Variants in VWC2 observed in about 807,000 individuals in gnomAD.
VWC2 encodes the protein brorin.
In VWC2, 14 loss-of-function variants were observed where a neutral mutation model predicts 29.8. The ratio of observed to expected loss-of-function variants is 0.47; its 90% confidence interval spans 0.31 to 0.74. The LOEUF (loss-of-function observed/expected upper bound fraction) is 0.74. Ranked by LOEUF, VWC2 falls within the 30% of genes least tolerant of loss-of-function variation. VWC2 has a pLI of 0.05. For missense variants in VWC2, 457 were observed against 459.8 expected, an observed-to-expected ratio of 0.99 and a Z score of 0.05; for synonymous variants, 213 against 199.0, an observed-to-expected ratio of 1.07 and a Z score of -0.59.
intron 3 of VWC2, among the ~76,000 whole-genome samples, chr7:49,810,063 A>G (rs973313634): frequency 2.6e-5 from 4 of 151,898 alleles, no homozygotes; most frequent in African/African-American, 9.7e-5. Flanking sequence ...GAAATTAAGA[A>G]GTATAACTGC....
intron 3 of VWC2, among the ~76,000 whole-genome samples, chr7:49,865,704 G>T (rs1478188406): frequency 6.6e-6 from 1 of 152,168 alleles, no homozygotes; most frequent in African/African-American, 2.4e-5. Context: ...ACACCTAAGG[G>T]TGTGCCTTCA....
At chr7:49,871,950 CACACACA>C (rs1212832087) in intron 3 of VWC2, among the ~76,000 whole-genome samples, 32 of 101,154 alleles carry the variant, frequency 3.2e-4, no homozygotes, top group Non-Finnish European at 5.0e-4. Flanking sequence ...CACACACACA[CACACACA>C]CCGAGAAAGA....
intron 3 of VWC2, among the ~76,000 whole-genome samples, chr7:49,886,420 T>C (rs997130648): frequency 1.3e-5 from 2 of 152,220 alleles, no homozygotes; most frequent in African/African-American, 2.4e-5. Context: ...AAAAATGATA[T>C]GATTACTTTT....
intron 2 of VWC2, among the ~76,000 whole-genome samples, chr7:49,793,432 T>G (rs1261974103): frequency 6.6e-6 from 1 of 152,182 alleles, no homozygotes; most frequent in Non-Finnish European, 1.5e-5. Context: ...CAGAAGTAGC[T>G]GGTGCAGTGA....
At chr7:49,813,203 G>A (rs796950326) in intron 3 of VWC2, among the ~76,000 whole-genome samples, 6 of 152,338 alleles carry the variant, frequency 3.9e-5, no homozygotes, top group African/African-American at 1.4e-4. Flanking sequence ...AATGCAGGGA[G>A]AATGAAAGCC....
rs970743733 is a variant in VWC2 at position 49,918,595 on chromosome 7, A to G, written c.*6410A>G. ...ATTCTCATATTGAAATTTACAAAAT[A>G]TAACCAAATATTGTGACCCAGTTTT... On this transcript the variant is annotated 3_prime_UTR_variant, in exon 4 of 4. Transcript: ENST00000340652. The G allele has an allele frequency of 6.6e-6, 1 of 152,256 alleles. No individual in the cohort carries two copies. Among genetic ancestry groups the G allele is most frequent in the African/African-American group, 2.4e-5 (1 of 41,478 alleles). The allele number at this position is 152,256 out of a possible 1,614,324, so 9.4% of individuals were successfully genotyped here.
At chr7:49,891,678 C>G (rs1203684560) in intron 3 of VWC2, among the ~76,000 whole-genome samples, 4 of 152,162 alleles carry the variant, frequency 2.6e-5, no homozygotes, top group African/African-American at 9.7e-5. Context: ...TATACTGATT[C>G]TGATGTAATC....
intron 3 of VWC2, among the ~76,000 whole-genome samples, chr7:49,894,232 C>G (rs755614370): frequency 6.6e-6 from 1 of 152,212 alleles, no homozygotes; most frequent in Non-Finnish European, 1.5e-5. Context: ...TCACAGCTCA[C>G]CTCAGCCTCG....
At chr7:49,879,534 C>T (rs976538011) in intron 3 of VWC2, among the ~76,000 whole-genome samples, 2 of 152,098 alleles carry the variant, frequency 1.3e-5, no homozygotes, top group Non-Finnish European at 2.9e-5. Context: ...AGCGTTAGTC[C>T]ATGGTAGGGC....
chr7:49,775,999 G>T lies in VWC2; in HGVS notation c.564G>T (p.Ala188=), dbSNP rs1387492364. 1.3e-6 allele frequency: 2 copies of T among 1,544,606 alleles called. No homozygotes were observed. The highest frequency in any genetic ancestry group is 1.7e-6 in the Non-Finnish European group (2 of 1,149,126). Residue 188 remains alanine, a synonymous_variant, in exon 2 of 4, where the codon GCG becomes GCT. Coordinates refer to ENST00000340652, the MANE Select transcript of VWC2 (RefSeq NM_198570.5). ...GCACCGAGGAGGGGCCGCTGTGCGCGCAGCCCGAGTGCCCGAGGCTGCACC... is the reference window on the plus strand; with the variant it reads ...GCACCGAGGAGGGGCCGCTGTGCGCTCAGCCCGAGTGCCCGAGGCTGCACC... The part of the protein sequence containing the change: ...CLCTEEGPLC[A]QPECPRLHPR...
chr7:49,793,581 CT>C (rs148149339), intron 2 of VWC2, among the ~76,000 whole-genome samples: 10,797 of 152,044 alleles, frequency 0.071, 1,133 homozygotes, highest in African/African-American at 0.23. Context: ...TCTTTTGCAA[CT>C]TTTTTTTCCT....
intron 3 of VWC2, among the ~76,000 whole-genome samples, chr7:49,838,476 G>C (rs995574242): frequency 6.6e-6 from 1 of 152,028 alleles, no homozygotes; most frequent in Non-Finnish European, 1.5e-5. Context: ...TTGGGATCTT[G>C]TCAGTGGAGG....
chr7:49,834,511 C>G (rs930711451), intron 3 of VWC2, among the ~76,000 whole-genome samples: 3 of 152,176 alleles, frequency 2.0e-5, no homozygotes, highest in African/African-American at 2.4e-5. Context: ...GTTAGTCCTA[C>G]TGAGTGTCAG....
chr7:49,785,672 T>G (rs1282789684), intron 2 of VWC2, among the ~76,000 whole-genome samples: 1 of 152,180 alleles, frequency 6.6e-6, no homozygotes, highest in East Asian at 1.9e-4. Flanking sequence ...GTGAGTAGGC[T>G]TACAGCAGAC....
At chr7:49,826,817 C>T (rs1192739831) in intron 3 of VWC2, among the ~76,000 whole-genome samples, 2 of 152,036 alleles carry the variant, frequency 1.3e-5, no homozygotes, top group African/African-American at 2.4e-5. Flanking sequence ...ATAACTAAGT[C>T]GTTTAACAGA....
intron 3 of VWC2, among the ~76,000 whole-genome samples, chr7:49,871,908 AAC>A (rs72332840): frequency 0.11 from 9,265 of 87,662 alleles, 740 homozygotes; most frequent in East Asian, 0.41. Context: ...TGTGTATATA[AAC>A]ACACACACAC....
intron 3 of VWC2, among the ~76,000 whole-genome samples, chr7:49,852,258 G>A (rs1217980542): frequency 1.3e-5 from 2 of 152,202 alleles, no homozygotes; most frequent in Admixed American, 6.5e-5. Flanking sequence ...GAGTGACCCT[G>A]GAGCATCAGG....
chr7:49,847,961 G>C lies in VWC2; in HGVS notation c.826+45121G>C, dbSNP rs561777075. 1.5e-4 allele frequency among the ~76,000 whole-genome samples: 23 copies of C among 152,296 alleles called. No homozygotes were observed. In the East Asian group the frequency reaches 4.1e-3, roughly 27 times the overall value. On this transcript the variant is annotated intron_variant, in intron 3 of 3. Transcript: ENST00000340652. ...CACTGGGAGGGGCAGTCCCTCCAACGTCAGCAAGGCTCAATGTCAAAGCAT... is the reference window on the plus strand; with the variant it reads ...CACTGGGAGGGGCAGTCCCTCCAACCTCAGCAAGGCTCAATGTCAAAGCAT...
intron 2 of VWC2, among the ~76,000 whole-genome samples, chr7:49,794,320 C>A (rs75562696): frequency 6.6e-6 from 1 of 152,166 alleles, no homozygotes; most frequent in Admixed American, 6.5e-5. Flanking sequence ...TGAGATGGAA[C>A]GTTCTTTTAT....
Sources: allele counts gnomAD v4.1 joint callset (sites outside exome capture counted in the v4.1 genomes callset), GRCh38; gene constraint gnomAD v4.1.1; transcripts MANE v1.5; gene names NCBI Gene and HGNC (gene_info 2026-07-23, HGNC 2026-07-21).